TTC6: variants seen among roughly 807,000 people sequenced by gnomAD.
TTC6 encodes the protein tetratricopeptide repeat protein 6.
A neutral mutation model predicts 210.4 loss-of-function variants in TTC6; 172 were observed. The observed-to-expected ratio is 0.82, with a 90% CI of 0.72 to 0.93. TTC6 has a LOEUF of 0.93. Among genes scored for constraint, TTC6 ranks in the 40% least tolerant of loss-of-function variants. TTC6 has a pLI of 0.00. For synonymous variants in TTC6, 804 were observed against 819.6 expected (o/e 0.98, Z 0.32); for missense variants, 2,414 against 2,318.1 (o/e 1.04, Z -0.85).
chr14:37,756,605 C>A (rs988974851), intron 14 of TTC6, among the ~76,000 whole-genome samples: 2 of 152,142 alleles, frequency 1.3e-5, no homozygotes, highest in Non-Finnish European at 2.9e-5. Flanking sequence ...TTGAGATAAT[C>A]ATGTGATTTT....
In TTC6 at chr14:37,795,330, G is replaced by T; in HGVS notation, c.3769G>T (p.Gly1257Ter). 6.5e-7 allele frequency: 1 copy of T among 1,530,750 alleles called. No homozygotes were observed. The highest frequency in any genetic ancestry group is 8.7e-7 in the Non-Finnish European group (1 of 1,143,898). 94.8% of individuals were successfully genotyped at this position (1,530,750 alleles called of 1,614,324 possible). Residue 1257 changes from glycine to a stop codon, truncating the protein, a stop_gained, in exon 18 of 31, where the codon GGA becomes TGA. Coordinates refer to ENST00000553443, the Ensembl canonical transcript of TTC6. LOFTEE classifies it high-confidence loss of function. ...TCGTGCTATCCACCTTCAGCCAGAT[G>T]GAATCCAATTATACATAAGAAGGTA... is the stretch of plus-strand genomic sequence containing the variant.
intron 1 of TTC6, among the ~76,000 whole-genome samples, chr14:37,623,600 C>T (rs2095655315): frequency 6.6e-6 from 1 of 152,158 alleles, no homozygotes; most frequent in Non-Finnish European, 1.5e-5. Context: ...CCCATGACAA[C>T]CCTATCAGGT....
chr14:37,728,512 C>T (rs1184027919), intron 7 of TTC6, among the ~76,000 whole-genome samples: 1 of 152,064 alleles, frequency 6.6e-6, no homozygotes, highest in Admixed American at 6.5e-5. Context: ...AGTTTTGTCT[C>T]TTACTGATTT....
chr14:37,798,900 G>A (rs1392223005), intron 20 of TTC6, among the ~76,000 whole-genome samples: 1 of 152,060 alleles, frequency 6.6e-6, no homozygotes, highest in Non-Finnish European at 1.5e-5. Context: ...ACATTATTTA[G>A]TGTTAGACCA....
At chr14:37,602,948 C>G (rs1457701764) in intron 1 of TTC6, among the ~76,000 whole-genome samples, 3 of 152,090 alleles carry the variant, frequency 2.0e-5, no homozygotes, top group African/African-American at 7.2e-5. Context: ...CTCCACTGAC[C>G]TCCTCATGAA....
chr14:37,727,092 A>G (rs965020328), intron 7 of TTC6, among the ~76,000 whole-genome samples: 2 of 151,956 alleles, frequency 1.3e-5, no homozygotes, highest in African/African-American at 2.4e-5. Flanking sequence ...AGAAAGATAT[A>G]TAATACATAA....
At chr14:37,780,423 C>T (rs564320009) in intron 14 of TTC6, among the ~76,000 whole-genome samples, 154 of 152,208 alleles carry the variant, frequency 1.0e-3, no homozygotes, top group African/African-American at 3.7e-3. Context: ...CTGACAGGCC[C>T]CAGTGTGTGT....
exon 15 of TTC6, chr14:37,787,506 A>T (rs1049642403): frequency 6.5e-7 from 1 of 1,529,746 alleles, no homozygotes; most frequent in East Asian, 2.5e-5. Context: ...TGGAAATTTT[A>T]TAAAGAAGCA....
chr14:37,774,744 G>C (rs1474561447), intron 14 of TTC6, among the ~76,000 whole-genome samples: 1 of 152,114 alleles, frequency 6.6e-6, no homozygotes, highest in Non-Finnish European at 1.5e-5. Context: ...GATAATGCTG[G>C]CCACATAGAA....
At chr14:37,807,261 T>C in intron 22 of TTC6, 59 bp from the exon 25 acceptor site, 1 of 1,384,058 alleles carries the variant, frequency 7.2e-7, no homozygotes, top group Non-Finnish European at 9.6e-7. Context: ...TATATTTTGG[T>C]AGAATTGGTG....
intron 20 of TTC6, among the ~76,000 whole-genome samples, chr14:37,803,869 G>A (rs534182468): frequency 2.8e-4 from 42 of 152,292 alleles, no homozygotes; most frequent in African/African-American, 1.0e-3. Flanking sequence ...AACATATACA[G>A]CTAATGCTCA....
At chr14:37,715,748 AAATATCCTTTAGG>A (rs1317059677) in intron 6 of TTC6, among the ~76,000 whole-genome samples, 3 of 152,180 alleles carry the variant, frequency 2.0e-5, no homozygotes, top group Non-Finnish European at 2.9e-5. Flanking sequence ...ACATCCAGAA[AAATATCCTTTAGG>A]AATAAAGGAA....
intron 26 of TTC6, among the ~76,000 whole-genome samples, chr14:37,821,004 GCTCTTCTTCTTCTTCTTC>G (rs1460494887): frequency 9.9e-6 from 1 of 100,970 alleles, no homozygotes; most frequent in Admixed American, 1.2e-4. Flanking sequence ...TCTTCCTCTT[GCTCTTCTTCTTCTTCTTC>G]CTCTTCTTCT....
At chr14:37,775,205 A>G (rs550682749) in intron 14 of TTC6, among the ~76,000 whole-genome samples, 4 of 152,058 alleles carry the variant, frequency 2.6e-5, no homozygotes, top group Non-Finnish European at 4.4e-5. Context: ...TATCTTTTGT[A>G]TGGCTTTTCA....
intron 6 of TTC6, among the ~76,000 whole-genome samples, chr14:37,724,186 G>C (rs1566911220): frequency 2.6e-5 from 4 of 151,576 alleles, no homozygotes; most frequent in East Asian, 3.9e-4. Flanking sequence ...TTAAATTAAG[G>C]CCTTTTGTAC....
At chr14:37,678,396 T>G (rs1327608629) in intron 1 of TTC6, among the ~76,000 whole-genome samples, 3 of 152,168 alleles carry the variant, frequency 2.0e-5, no homozygotes, top group Non-Finnish European at 4.4e-5. Flanking sequence ...TTTTCTTCCC[T>G]GGCAGGGTTT....
At chr14:37,773,660 C>A (rs989980308) in intron 14 of TTC6, among the ~76,000 whole-genome samples, 10 of 152,038 alleles carry the variant, frequency 6.6e-5, no homozygotes, top group African/African-American at 2.4e-4. Context: ...GTTGCTGTGG[C>A]CTTGTAGTAT....
chr14:37,698,552 C>A (rs1288143097), intron 4 of TTC6, among the ~76,000 whole-genome samples: 1 of 152,028 alleles, frequency 6.6e-6, no homozygotes, highest in Non-Finnish European at 1.5e-5. Context: ...GGAGTCCTGG[C>A]TTTCTGGACA....
intron 5 of TTC6, among the ~76,000 whole-genome samples, chr14:37,704,089 C>T (rs1242617815): frequency 6.6e-6 from 1 of 152,012 alleles, no homozygotes; most frequent in Non-Finnish European, 1.5e-5. Flanking sequence ...CTACTTTATA[C>T]AAAAATTTTT....
Sources: gnomAD v4.1 joint callset for allele counts (sites outside exome capture counted in the v4.1 genomes callset) on GRCh38, gnomAD v4.1.1 for gene constraint, MANE v1.5 for transcripts, NCBI Gene and HGNC (gene_info 2026-07-23, HGNC 2026-07-21) for gene names.